PCYT1B: variants seen among roughly 807,000 people sequenced by gnomAD.
The protein encoded by PCYT1B is choline-phosphate cytidylyltransferase B.
PCYT1B carries 10 observed loss-of-function variants against 26.4 expected under a neutral mutation model. That is an observed-to-expected ratio of 0.38 (90% confidence interval 0.23 to 0.64). The LOEUF (loss-of-function observed/expected upper bound fraction) is 0.64. PCYT1B is among the 30% of genes least tolerant of loss of function. The pLI is 0.56. For missense variants in PCYT1B, 161 were observed against 292.7 expected, an observed-to-expected ratio of 0.55 and a Z score of 3.28; for synonymous variants, 131 against 108.4, an observed-to-expected ratio of 1.21 and a Z score of -1.29.
intron 1 of PCYT1B, among the ~76,000 whole-genome samples, chrX:24,668,975 A>G (rs1436951362): frequency 9.0e-6 from 1 of 111,406 alleles, no homozygotes; most frequent in Non-Finnish European, 1.9e-5. Context: ...ACTCTTATCT[A>G]TATTATTAAT....
At chrX:24,613,985 A>G (rs1413138588) in intron 2 of PCYT1B, among the ~76,000 whole-genome samples, 2 of 107,542 alleles carry the variant, frequency 1.9e-5, no homozygotes, top group African/African-American at 6.8e-5. Context: ...AAAAGAAAGA[A>G]AGAGAGAAAG....
chrX:24,607,938 C>G, intron 2 of PCYT1B, 77 bp from the exon 3 acceptor site: 1 of 529,250 alleles, frequency 1.9e-6, no homozygotes, highest in Non-Finnish European at 3.2e-6. Flanking sequence ...TCGTAAGAAA[C>G]TTTCTGGATA....
chrX:24,606,601 C>T (rs755644839), intron 3 of PCYT1B, among the ~76,000 whole-genome samples: 3 of 112,370 alleles, frequency 2.7e-5, no homozygotes, highest in Non-Finnish European at 5.6e-5. Context: ...CAGTGGCTCA[C>T]GCCTGTAATG....
chrX:24,636,544 C>T (rs992858412), intron 1 of PCYT1B, among the ~76,000 whole-genome samples: 9 of 112,007 alleles, frequency 8.0e-5, no homozygotes, highest in African/African-American at 2.3e-4. Context: ...AACTGGGAGG[C>T]GGAGGTTGCA....
In PCYT1B at chrX:24,623,851, C is replaced by T. The variant is rs186416868; in HGVS notation, c.118-4767G>A. On this transcript the variant is annotated intron_variant, in intron 1 of 7. Transcript: ENST00000379144. ...GAACCTGCACTTATGCAATGTACATCGCTGACTGACAACTGGACCAATCAG... is the reference window on the plus strand; with the variant it reads ...GAACCTGCACTTATGCAATGTACATTGCTGACTGACAACTGGACCAATCAG... 9.9e-5 allele frequency among the ~76,000 whole-genome samples: 11 copies of T among 111,462 alleles called. No homozygotes were observed. In the South Asian group the frequency reaches 1.1e-3, roughly 11 times the overall value.
intron 3 of PCYT1B, among the ~76,000 whole-genome samples, chrX:24,593,580 G>T (rs867658416): frequency 4.7e-5 from 5 of 106,284 alleles, no homozygotes; most frequent in Non-Finnish European, 9.6e-5. Flanking sequence ...AGGCTGGAGT[G>T]CAATGGCGCG....
chrX:24,616,760 A>AC (rs1925512661), intron 2 of PCYT1B, among the ~76,000 whole-genome samples: 2 of 111,270 alleles, frequency 1.8e-5, no homozygotes, highest in South Asian at 7.5e-4. Flanking sequence ...AAAGCCTGGG[A>AC]ACAACAGCTT....
chrX:24,611,062 T>C (rs752748697), intron 2 of PCYT1B, among the ~76,000 whole-genome samples: 2 of 111,892 alleles, frequency 1.8e-5, no homozygotes, highest in Non-Finnish European at 3.8e-5. Context: ...GTGGTTATGT[T>C]TAATAAAACC....
At chrX:24,656,200 G>C (rs1946281538) in intron 1 of PCYT1B, among the ~76,000 whole-genome samples, 1 of 63,878 alleles carries the variant, frequency 1.6e-5, no homozygotes, top group African/African-American at 5.9e-5. Flanking sequence ...AATAGTCAGG[G>C]CTTCAAAATC....
intron 1 of PCYT1B, among the ~76,000 whole-genome samples, chrX:24,642,005 A>T (rs771683843): frequency 1.2e-4 from 13 of 112,853 alleles, no homozygotes; most frequent in Non-Finnish European, 2.2e-4. Context: ...GGATTGGGTT[A>T]ACAGAGTCCT....
At chrX:24,660,422 A>C (rs902926198) in intron 1 of PCYT1B, among the ~76,000 whole-genome samples, 2 of 112,484 alleles carry the variant, frequency 1.8e-5, no homozygotes, top group African/African-American at 6.4e-5. Flanking sequence ...TCACGCCTGT[A>C]ATCCCAGCAC....
chrX:24,647,155 A>C lies in PCYT1B; in HGVS notation c.-50T>G. ...CTACACCCTCAGAGAGTCTCCTCCC[A>C]GGCAGAGAATGTTTTCTTTGTCACG... is the stretch of plus-strand genomic sequence containing the variant. On this transcript the variant is annotated 5_prime_UTR_variant, in exon 1 of 8. Transcript: ENST00000379144. 1 of 1,185,164 alleles carries C rather than the reference A, an allele frequency of 8.4e-7. No homozygotes were observed. Among genetic ancestry groups the C allele is most frequent in the East Asian group, 3.0e-5 (1 of 32,914 alleles).
Position 24,560,118 on chromosome X carries a change from G to A in PCYT1B, c.*2175C>T, listed in dbSNP as rs1266491893. On this transcript the variant is annotated 3_prime_UTR_variant, in exon 8 of 8. Transcript: ENST00000379144. ...TATTTGCTCCAGAGTATAAGATTCA[G>A]GTAAAAGTGAATCTATCTGCCCTGG... 8.9e-6 allele frequency: 1 copy of A among 112,134 alleles called. No individual in the cohort carries two copies. Among genetic ancestry groups the A allele is most frequent in the Non-Finnish European group, 1.9e-5 (1 of 53,240 alleles). The allele number at this position is 112,134 out of a possible 1,213,427, so 9.2% of individuals were successfully genotyped here.
chrX:24,571,990 G>T (rs1923844221), intron 7 of PCYT1B, among the ~76,000 whole-genome samples: 2 of 110,810 alleles, frequency 1.8e-5, no homozygotes, highest in Admixed American at 1.9e-4. Flanking sequence ...ATATTCCCTG[G>T]GGCCAGATGG....
At chrX:24,643,928 C>G (rs1197348562) in intron 1 of PCYT1B, among the ~76,000 whole-genome samples, 1 of 112,052 alleles carries the variant, frequency 8.9e-6, no homozygotes, top group African/African-American at 3.2e-5. Flanking sequence ...AGTAGCCACA[C>G]TCTGTTGATG....
chrX:24,594,846 A>G (rs1362060923), intron 3 of PCYT1B, among the ~76,000 whole-genome samples: 1 of 111,270 alleles, frequency 9.0e-6, no homozygotes, highest in Non-Finnish European at 1.9e-5. Context: ...GTGCTCCCAC[A>G]GGAGAGAAAA....
intron 2 of PCYT1B, among the ~76,000 whole-genome samples, chrX:24,611,506 T>C (rs1189198347): frequency 9.0e-6 from 1 of 111,361 alleles, no homozygotes; most frequent in African/African-American, 3.3e-5. Context: ...AACTATTGCA[T>C]GGCTATCGTG....
chrX:24,559,526 C>T lies in PCYT1B; in HGVS notation c.*2767G>A, dbSNP rs187860808. ...AAATCACTACCCTCCTGCTCCCCTA[C>T]AACTTCAGTCCCACTTTCTCCCATC... On this transcript the variant is annotated 3_prime_UTR_variant, in exon 8 of 8. Coordinates refer to ENST00000379144, the MANE Select transcript of PCYT1B (RefSeq NM_004845.5). 1.7e-4 allele frequency: 19 copies of T among 111,260 alleles called. No homozygotes were observed. The highest frequency in any genetic ancestry group is 1.6e-3 in the Admixed American group (17 of 10,488). The allele number at this position is 111,260 out of a possible 1,213,427, so 9.2% of individuals were successfully genotyped here.
chrX:24,619,030 G>T lies in PCYT1B; in HGVS notation c.172C>A (p.Pro58Thr), dbSNP rs758818593. 25 of 1,188,271 alleles carry T rather than the reference G, an allele frequency of 2.1e-5. No individual in the cohort carries two copies. The South Asian group carries it at 4.2e-4, about 20-fold the overall frequency. ...ADETNCQCQA[P>T]HEKLTIAQAR... ...TGAGCAATGGTCAGTTTTTCATGGG[G>T]TGCTTGACACTGGCAGTTGGTTTCA... Residue 58 changes from proline to threonine, a missense_variant, in exon 2 of 8, where the codon CCC (proline) becomes ACC (threonine). Physicochemically the swap from Pro to Thr is conservative, Grantham distance 38 (BLOSUM62 -1). Coordinates refer to ENST00000379144, the MANE Select transcript of PCYT1B (RefSeq NM_004845.5).
Sources: allele counts gnomAD v4.1 joint callset (sites outside exome capture counted in the v4.1 genomes callset), GRCh38; gene constraint gnomAD v4.1.1; transcripts MANE v1.5; gene names NCBI Gene and HGNC (gene_info 2026-07-23, HGNC 2026-07-21).